Variants in TOR1AIP2 observed in about 807,000 individuals in gnomAD.
TOR1AIP2 encodes torsin 1A interacting protein 2.
TOR1AIP2 carries 20 observed loss-of-function variants against 32.6 expected under a neutral mutation model. That is an observed-to-expected ratio of 0.61 (90% confidence interval 0.43 to 0.89). The LOEUF (loss-of-function observed/expected upper bound fraction) is 0.89. Among genes scored for constraint, TOR1AIP2 ranks in the 40% least tolerant of loss-of-function variants. TOR1AIP2 has a pLI of 0.00. For missense variants in TOR1AIP2, 456 were observed against 553.8 expected, an observed-to-expected ratio of 0.82 and a Z score of 1.77; for synonymous variants, 214 against 210.8, an observed-to-expected ratio of 1.02 and a Z score of -0.13.
intron 2 of TOR1AIP2, among the ~76,000 whole-genome samples, chr1:179,870,711 C>CCATTATTT (rs1377596951): frequency 6.6e-6 from 1 of 152,134 alleles, no homozygotes; most frequent in African/African-American, 2.4e-5. Flanking sequence ...TTAAAAACTT[C>CCATTATTT]CATTATTTTA....
chr1:179,863,744 A>G (rs1004478380), intron 3 of TOR1AIP2: 1 of 985,050 alleles, frequency 1.0e-6, no homozygotes, highest in African/African-American at 1.7e-5. Context: ...GACCTTGATA[A>G]TATTGATAAT....
At chr1:179,861,030 T>C (rs1696510229) in intron 3 of TOR1AIP2, 3 of 985,458 alleles carry the variant, frequency 3.0e-6, no homozygotes, top group Non-Finnish European at 3.6e-6. Flanking sequence ...TGGATGTATT[T>C]TCTTTCCGGT....
At chr1:179,863,019 G>A (rs1696611655) in intron 3 of TOR1AIP2, 1 of 157,790 alleles carries the variant, frequency 6.3e-6, no homozygotes, top group African/African-American at 2.4e-5. Flanking sequence ...GAGATCAAGA[G>A]ATCAAGACCA....
At chr1:179,872,331 T>A (rs1179118512) in intron 2 of TOR1AIP2, among the ~76,000 whole-genome samples, 1 of 152,216 alleles carries the variant, frequency 6.6e-6, no homozygotes, top group East Asian at 1.9e-4. Flanking sequence ...CCTTTAAGGC[T>A]AATACACAAC....
intron 3 of TOR1AIP2, among the ~76,000 whole-genome samples, chr1:179,856,009 T>C (rs1336450617): frequency 6.6e-6 from 1 of 151,612 alleles, no homozygotes; most frequent in Non-Finnish European, 1.5e-5. Flanking sequence ...TGAAACCTCA[T>C]CTCTACAAAA....
intron 2 of TOR1AIP2, among the ~76,000 whole-genome samples, chr1:179,867,348 C>T (rs952342477): frequency 1.5e-4 from 23 of 151,996 alleles, no homozygotes; most frequent in Admixed American, 7.2e-4. Context: ...GCTTGGTTTC[C>T]GACTCAATGA....
chr1:179,875,790 A>T (rs1039101180), intron 2 of TOR1AIP2: 1 of 151,950 alleles, frequency 6.6e-6, no homozygotes, highest in African/African-American at 2.4e-5. Flanking sequence ...ACAAAATAGG[A>T]ATTCAAACCC....
At chr1:179,855,176 G>T (rs1411083883) in intron 3 of TOR1AIP2, among the ~76,000 whole-genome samples, 1 of 152,096 alleles carries the variant, frequency 6.6e-6, no homozygotes, top group African/African-American at 2.4e-5. Flanking sequence ...CTTTATAACT[G>T]CAAGGGTTTC....
intron 3 of TOR1AIP2, chr1:179,864,159 G>C (rs1696672126): frequency 1.0e-6 from 1 of 985,286 alleles, no homozygotes; most frequent in Non-Finnish European, 1.2e-6. Context: ...TTTCCTAATA[G>C]AATGTGATTT....
intron 4 of TOR1AIP2, among the ~76,000 whole-genome samples, chr1:179,852,271 A>G (rs1696145117): frequency 6.6e-6 from 1 of 151,980 alleles, no homozygotes; most frequent in Non-Finnish European, 1.5e-5. Context: ...CATAAAAAAA[A>G]AAAAAAGGAG....
chr1:179,863,430 C>A (rs142843287), intron 3 of TOR1AIP2: 1 of 984,954 alleles, frequency 1.0e-6, no homozygotes, highest in Non-Finnish European at 1.2e-6. Context: ...TGAAAGAAAG[C>A]CTTTTGCTCT....
chr1:179,857,031 G>C (rs1156232776), intron 3 of TOR1AIP2, among the ~76,000 whole-genome samples: 1 of 152,224 alleles, frequency 6.6e-6, no homozygotes, highest in Non-Finnish European at 1.5e-5. Context: ...AAATGCAGTA[G>C]CTGGAGACTT....
intron 2 of TOR1AIP2, chr1:179,874,731 C>T (rs1235492754): frequency 6.6e-6 from 1 of 152,092 alleles, no homozygotes; most frequent in African/African-American, 2.4e-5. Flanking sequence ...CCACTGCACT[C>T]CAGCCTGGAT....
chr1:179,869,774 CAT>C (rs1216416396), intron 2 of TOR1AIP2, among the ~76,000 whole-genome samples: 1 of 152,116 alleles, frequency 6.6e-6, no homozygotes, highest in Admixed American at 6.5e-5. Context: ...TGCTATTTCA[CAT>C]GACGCCTTTG....
At chr1:179,862,418 T>C in intron 3 of TOR1AIP2, 1 of 984,874 alleles carries the variant, frequency 1.0e-6, no homozygotes, top group Non-Finnish European at 1.2e-6. Flanking sequence ...GAGTTAGTGA[T>C]AAACTAACTA....
chr1:179,861,342 G>C, intron 3 of TOR1AIP2: 1 of 985,374 alleles, frequency 1.0e-6, no homozygotes, highest in Non-Finnish European at 1.2e-6. Flanking sequence ...GCCATATGAA[G>C]ACATACTAGA....
At chr1:179,850,556 GCC>G (rs1696076840) in intron 5 of TOR1AIP2, among the ~76,000 whole-genome samples, 1 of 152,156 alleles carries the variant, frequency 6.6e-6, no homozygotes. Context: ...TAAAAGTCAT[GCC>G]CCTTTTTGTC....
Position 179,851,152 on chromosome 1 carries a change from T to C in TOR1AIP2, c.246A>G (p.Pro82=). 1.2e-6 allele frequency: 2 copies of C among 1,614,170 alleles called. No individual in the cohort carries two copies. Among genetic ancestry groups the C allele is most frequent in the South Asian group, 1.1e-5 (1 of 91,086 alleles). Residue 82 remains proline (P), a synonymous_variant, in exon 5 of 7, where the codon CCA becomes CCG. Transcript: ENST00000609928. ...TGTTCTCATCTTCTGTTTTATCCTTTGGATGTTTCCCCACATTTGCTTCAT... is the reference window on the plus strand; with the variant it reads ...TGTTCTCATCTTCTGTTTTATCCTTCGGATGTTTCCCCACATTTGCTTCAT... ...SPDEANVGKH[P]KDKTEDENKQ...
chr1:179,847,431 A>G, intron 6 of TOR1AIP2, 104 bp downstream of exon 6: 1 of 798,934 alleles, frequency 1.3e-6, no homozygotes, highest in South Asian at 1.4e-5. Context: ...AAGTATATAT[A>G]AACACAATGT....
Sources: gnomAD v4.1 joint callset for allele counts (sites outside exome capture counted in the v4.1 genomes callset) on GRCh38, gnomAD v4.1.1 for gene constraint, MANE v1.5 for transcripts, NCBI Gene and HGNC (gene_info 2026-07-23, HGNC 2026-07-21) for gene names.